The following PCDHGA2 variants were observed in gnomAD, a reference collection of about 807,000 sequenced individuals.
PCDHGA2 encodes the protein protocadherin gamma-A2.
Under a neutral mutation model 59.2 loss-of-function variants are expected in PCDHGA2, and 40 were observed. That is an observed-to-expected ratio of 0.68 (90% confidence interval 0.52 to 0.88). The LOEUF is 0.88. Ranked by LOEUF, PCDHGA2 falls within the 40% of genes least tolerant of loss-of-function variation. The pLI, the probability that PCDHGA2 is intolerant of heterozygous loss-of-function variation, is 0.00. For missense variants in PCDHGA2, 1,226 were observed against 1,204.0 expected, an observed-to-expected ratio of 1.02 and a Z score of -0.27; for synonymous variants, 560 against 526.0, an observed-to-expected ratio of 1.06 and a Z score of -0.89.
In PCDHGA2 at chr5:141,451,946, G is replaced by A. The variant is rs146934262; in HGVS notation, c.2425-42861G>A. On this transcript the variant is annotated intron_variant, in intron 1 of 3. Coordinates refer to ENST00000394576, the MANE Select transcript of PCDHGA2 (RefSeq NM_018915.4). ...GGAGGTAGGGAGGCAGGGAAAGACC[G>A]AGAAAGTGACATACCATCATTTTTG... Among the ~76,000 whole-genome samples, 240 of 152,218 alleles carry A rather than the reference G, an allele frequency of 1.6e-3. 1 individual carries two copies. Among genetic ancestry groups the A allele is most frequent in the Non-Finnish European group, 2.9e-3 (195 of 68,026 alleles).
chr5:141,355,787 T>C (rs1176744852), intron 1 of PCDHGA2: 1 of 1,613,614 alleles, frequency 6.2e-7, no homozygotes, highest in East Asian at 2.2e-5. Flanking sequence ...GAGCTGGTGC[T>C]GGAACGCGCT....
At chr5:141,355,510 A>G (rs773476205) in intron 1 of PCDHGA2, 1 of 1,614,082 alleles carries the variant, frequency 6.2e-7, no homozygotes, top group Non-Finnish European at 8.5e-7. Context: ...AAACTGTGTG[A>G]CAAACCTGGA....
chr5:141,413,036 T>TGGGCTGCA, intron 1 of PCDHGA2: 1 of 805,900 alleles, frequency 1.2e-6, no homozygotes, highest in Non-Finnish European at 1.9e-6. Flanking sequence ...AACCGGCTGC[T>TGGGCTGCA]GGGCTGCAGG....
chr5:141,366,258 TG>T (rs758170088), intron 1 of PCDHGA2: 16 of 1,613,596 alleles, frequency 9.9e-6, no homozygotes, highest in Non-Finnish European at 1.4e-5. Flanking sequence ...CAGAGCCTCG[TG>T]GTGGCCGTCG....
At chr5:141,413,990 A>G (rs1179968710) in intron 1 of PCDHGA2, 6 of 1,613,434 alleles carry the variant, frequency 3.7e-6, no homozygotes, top group Admixed American at 1.7e-5. Context: ...ACAGCCACCG[A>G]CAGGGACGAA....
At chr5:141,389,811 G>A in intron 1 of PCDHGA2, 1 of 1,613,822 alleles carries the variant, frequency 6.2e-7, no homozygotes, top group Non-Finnish European at 8.5e-7. Flanking sequence ...CCTTCTGGTC[G>A]CCGTGCGTGA....
At chr5:141,385,172 C>T (rs1013319688) in intron 1 of PCDHGA2, 1 of 1,614,092 alleles carries the variant, frequency 6.2e-7, no homozygotes, top group African/African-American at 1.3e-5. Flanking sequence ...CATGAGGTCT[C>T]CCTCACCGCG....
chr5:141,428,459 A>C, intron 1 of PCDHGA2: 2 of 350,154 alleles, frequency 5.7e-6, no homozygotes, highest in Non-Finnish European at 5.5e-6. Context: ...CCCAACTACA[A>C]TGAGGGAACT....
intron 1 of PCDHGA2, chr5:141,365,051 C>T: frequency 6.2e-7 from 1 of 1,613,924 alleles, no homozygotes; most frequent in Non-Finnish European, 8.5e-7. Context: ...CAATGCGCCC[C>T]TGTTCACCCC....
At chr5:141,428,987 T>G (rs1185184865) in intron 1 of PCDHGA2, 2 of 152,288 alleles carry the variant, frequency 1.3e-5, no homozygotes, top group Non-Finnish European at 2.9e-5. Context: ...CCCGGGTAGC[T>G]GGGACTACAG....
chr5:141,462,471 C>T (rs1464947091), intron 1 of PCDHGA2, among the ~76,000 whole-genome samples: 1 of 152,020 alleles, frequency 6.6e-6, no homozygotes, highest in East Asian at 1.9e-4. Context: ...GTGTATTCTG[C>T]TTCTCGTGGT....
chr5:141,414,437 C>T (rs1422750138), intron 1 of PCDHGA2: 1 of 1,613,856 alleles, frequency 6.2e-7, no homozygotes, highest in Non-Finnish European at 8.5e-7. Flanking sequence ...CAGGTATCCT[C>T]TTACAATATC....
intron 1 of PCDHGA2, chr5:141,364,121 G>A: frequency 4.4e-6 from 2 of 459,268 alleles, no homozygotes; most frequent in Non-Finnish European, 7.6e-6. Context: ...GACTCTGAGT[G>A]TCGCTGTTGA....
intron 1 of PCDHGA2, chr5:141,479,247 C>A (rs1428944159): frequency 6.6e-6 from 1 of 152,084 alleles, no homozygotes; most frequent in Non-Finnish European, 1.5e-5. Flanking sequence ...CAAAGATAAC[C>A]ATTTTTAATT....
chr5:141,421,255 C>T lies in PCDHGA2; in HGVS notation c.2425-73552C>T, dbSNP rs759899934. On this transcript the variant is annotated intron_variant, in intron 1 of 3. Coordinates refer to ENST00000394576, the MANE Select transcript of PCDHGA2 (RefSeq NM_018915.4). ...GGCGAATCGGCTACAGCGCGGGGAC[C>T]GCAGTCGGCTGCTGCTGCTGCTGTG... 5.2e-5 allele frequency: 84 copies of T among 1,607,644 alleles called. No individual in the cohort carries two copies. Among genetic ancestry groups the T allele is most frequent in the Non-Finnish European group, 6.8e-5 (80 of 1,177,916 alleles).
At chr5:141,407,547 T>C (rs895082728) in intron 1 of PCDHGA2, among the ~76,000 whole-genome samples, 1 of 151,860 alleles carries the variant, frequency 6.6e-6, no homozygotes, top group Non-Finnish European at 1.5e-5. Flanking sequence ...GGTAACAGAT[T>C]GTAGAACATA....
At chr5:141,503,936 C>G (rs2099834285) in intron 2 of PCDHGA2, among the ~76,000 whole-genome samples, 1 of 152,186 alleles carries the variant, frequency 6.6e-6, no homozygotes, top group Non-Finnish European at 1.5e-5. Flanking sequence ...CATTTTCATG[C>G]CTTCAAGGCC....
intron 1 of PCDHGA2, chr5:141,399,895 G>A (rs570331620): frequency 6.2e-7 from 1 of 1,612,586 alleles, no homozygotes; most frequent in African/African-American, 1.3e-5. Flanking sequence ...GGTAGTGGCC[G>A]TGGACGCAGA....
At chr5:141,430,842 G>A (rs935750449) in intron 1 of PCDHGA2, 4 of 1,567,068 alleles carry the variant, frequency 2.6e-6, no homozygotes, top group Non-Finnish European at 3.4e-6. Flanking sequence ...GAGACCGGAT[G>A]CACCCAGATA....
Sources: gnomAD v4.1 joint callset for allele counts (sites outside exome capture counted in the v4.1 genomes callset) on GRCh38, gnomAD v4.1.1 for gene constraint, MANE v1.5 for transcripts, NCBI Gene and HGNC (gene_info 2026-07-23, HGNC 2026-07-21) for gene names.